ACO2: variants seen among roughly 807,000 people sequenced by gnomAD.
ACO2 encodes aconitase 2, also known as aconitate hydratase, mitochondrial.
Under a neutral mutation model 84.5 loss-of-function variants are expected in ACO2, and 31 were observed. The ratio of observed to expected loss-of-function variants is 0.37; its 90% CI spans 0.28 to 0.50. The LOEUF (loss-of-function observed/expected upper bound fraction) is 0.50, where lower values mean the gene tolerates loss of function less well. Ranked by LOEUF, ACO2 falls within the 20% of genes least tolerant of loss-of-function variation. The pLI is 0.97. For synonymous variants in ACO2, 414 were observed against 412.7 expected (o/e 1.00, Z -0.04); for missense variants, 685 against 1,029.3 (o/e 0.67, Z 4.58).
intron 1 of ACO2, among the ~76,000 whole-genome samples, chr22:41,483,385 A>G (rs1203563257): frequency 2.0e-5 from 3 of 152,222 alleles, no homozygotes; most frequent in Non-Finnish European, 2.9e-5. Context: ...GGCTGGGTGC[A>G]GTGGCTTATG....
Position 41,512,023 on chromosome 22 carries a change from C to T in ACO2, c.525+55C>T, listed in dbSNP as rs1350163535. 3 of 1,461,044 alleles carry T rather than the reference C, an allele frequency of 2.1e-6. No homozygotes were observed. The African/African-American group carries it at 4.3e-5, about 21-fold the overall frequency. 90.5% of individuals were successfully genotyped at this position (1,461,044 alleles called of 1,614,324 possible). A position where few individuals can be genotyped will look rare whatever the true frequency, so the allele number is the denominator to read the frequency against. ...GGGCCCAAGCCAGAGAAGTATGTTCCAGGCCTATGGGGGGAGGGGGTTTGA... is the reference window on the plus strand; with the variant it reads ...GGGCCCAAGCCAGAGAAGTATGTTCTAGGCCTATGGGGGGAGGGGGTTTGA... On this transcript the variant is annotated intron_variant, in intron 4 of 17. Transcript: ENST00000216254.
At position 41,522,975 on chromosome 22, in the gene ACO2, G is replaced by A. The variant is rs1161756940; in HGVS notation, c.1284G>A (p.Glu428=). Reference sequence around the variant, plus strand: ...CCGAGCAGATCCGCGCCACCATTGAGCGGGACGGCTATGTGAGTGCCCATA... The same window carrying A: ...CCGAGCAGATCCGCGCCACCATTGAACGGGACGGCTATGTGAGTGCCCATA... ...PGSEQIRATI[E]RDGYAQILRD... is the part of the protein sequence containing the mutation. The change falls in exon 10 of 18, where the codon GAG becomes GAA. Residue 428 remains glutamate, a synonymous_variant. Transcript: ENST00000216254. 4 of 1,614,084 alleles carry A rather than the reference G, an allele frequency of 2.5e-6. No individual in the cohort carries two copies.
intron 6 of ACO2, 118 bp from the exon 7 acceptor site, chr22:41,517,408 TC>T: frequency 1.2e-6 from 1 of 811,576 alleles, no homozygotes; most frequent in Non-Finnish European, 2.0e-6. Context: ...ACCACATCTC[TC>T]TGAGTGGGAG....
At position 41,515,397 on chromosome 22, in the gene ACO2, G is replaced by T. The variant is rs561001165; in HGVS notation, c.546G>T (p.Ala182=). 25 of 1,612,764 alleles carry T rather than the reference G, an allele frequency of 1.6e-5. No homozygotes were observed. The highest frequency in any genetic ancestry group is 2.0e-5 in the Non-Finnish European group (24 of 1,179,904). Residue 182 remains alanine, a synonymous_variant, in exon 5 of 18, where the codon GCG becomes GCT. Transcript: ENST00000216254. The surrounding 1 kb of genome is among the most constrained non-coding windows in gnomAD (Gnocchi z 5.8). ...TTCAGATTATTCTGGAAAACTATGCGTACCCTGGTGTTCTTCTGATTGGCA... is the reference window on the plus strand; with the variant it reads ...TTCAGATTATTCTGGAAAACTATGCTTACCCTGGTGTTCTTCTGATTGGCA... The part of the protein sequence containing the change: ...IIHQIILENY[A]YPGVLLIGTD...
intron 1 of ACO2, among the ~76,000 whole-genome samples, chr22:41,487,343 C>A (rs1282122438): frequency 1.3e-5 from 2 of 152,250 alleles, no homozygotes; most frequent in African/African-American, 4.8e-5. Context: ...AGCTGTCCAG[C>A]TTTATGCTGT....
chr22:41,526,246 CTACT>C lies in ACO2; in HGVS notation c.1762-12_1762-9del. ...GGCCATGCCCTGACCTCTGTCCTCT[CTACT>C]TACCACCCAAGGTCAAAGGGAAGTG... On this transcript the variant is annotated splice_polypyrimidine_tract_variant and intron_variant, in intron 14 of 17. Coordinates refer to ENST00000216254, the MANE Select transcript of ACO2 (RefSeq NM_001098.3). 1 of 1,608,982 alleles carries C rather than the reference CTACT, an allele frequency of 6.2e-7. No homozygotes were observed.
chr22:41,524,720 A>G (rs2066562958), intron 12 of ACO2, 126 bp from the exon 13 acceptor site: 4 of 1,450,334 alleles, frequency 2.8e-6, no homozygotes, highest in East Asian at 4.6e-5. Context: ...TGAGGAACAC[A>G]GGGGTCTGGG....
chr22:41,517,821 G>A (rs2066487589), intron 7 of ACO2, among the ~76,000 whole-genome samples, 190 bp downstream of exon 7: 1 of 152,236 alleles, frequency 6.6e-6, no homozygotes, highest in African/African-American at 2.4e-5. Context: ...GCTCTCTCCA[G>A]CTTCTCAAAG....
chr22:41,522,120 G>C (rs943636752), intron 9 of ACO2, among the ~76,000 whole-genome samples: 1 of 152,158 alleles, frequency 6.6e-6, no homozygotes, highest in African/African-American at 2.4e-5. Context: ...TTTGATCCCA[G>C]GAGTTCAAGA....
intron 1 of ACO2, among the ~76,000 whole-genome samples, chr22:41,487,905 A>G (rs1351481394): frequency 1.3e-5 from 2 of 152,104 alleles, no homozygotes; most frequent in African/African-American, 4.8e-5. Context: ...CCTAAGTTAT[A>G]TTCTTGATTC....
chr22:41,523,728 A>G (rs1267670220), intron 11 of ACO2, 102 bp from the exon 12 acceptor site: 1 of 1,072,182 alleles, frequency 9.3e-7, no homozygotes, highest in Non-Finnish European at 1.4e-6. Context: ...CCTCGGTAGG[A>G]GCTAGGCTGG....
At chr22:41,469,506 A>C (rs937380954) in intron 1 of ACO2, 1 of 338,106 alleles carries the variant, frequency 3.0e-6, no homozygotes, top group African/African-American at 2.1e-5. Context: ...TCCATTCCTC[A>C]AGGTGAGGAC....
At chr22:41,518,640 A>G in intron 8 of ACO2, 68 bp downstream of exon 8, 1 of 1,247,666 alleles carries the variant, frequency 8.0e-7, no homozygotes. Context: ...GGTCCTGCCT[A>G]AATACTCACT....
chr22:41,470,939 A>G (rs1568997525), intron 1 of ACO2, among the ~76,000 whole-genome samples: 1 of 152,212 alleles, frequency 6.6e-6, no homozygotes, highest in Non-Finnish European at 1.5e-5. Context: ...ATTTGATAAG[A>G]TAAATGATTA....
chr22:41,524,753 T>C (rs2066563764), intron 12 of ACO2, 93 bp from the exon 13 acceptor site: 4 of 1,576,098 alleles, frequency 2.5e-6, no homozygotes, highest in Non-Finnish European at 3.5e-6. Context: ...ATTTCCTGGG[T>C]TCCTTTCTCA....
At chr22:41,481,290 G>A (rs950192439) in intron 1 of ACO2, among the ~76,000 whole-genome samples, 1 of 152,166 alleles carries the variant, frequency 6.6e-6, no homozygotes, top group African/African-American at 2.4e-5. Context: ...TTCCATGATG[G>A]CACTCTGACA....
Sources: gnomAD v4.1 joint callset for allele counts (sites outside exome capture counted in the v4.1 genomes callset) on GRCh38, gnomAD v4.1.1 for gene constraint, Gnocchi (gnomAD v3.1) non-coding constraint, MANE v1.5 for transcripts, NCBI Gene and HGNC (gene_info 2026-07-23, HGNC 2026-07-21) for gene names.